The following WWC2 variants were observed in gnomAD, a reference collection of about 807,000 sequenced individuals.
WWC2 encodes WW and C2 domain containing 2.
In WWC2, 101 loss-of-function variants were observed where a neutral mutation model predicts 138.5. The observed-to-expected ratio is 0.73, with a 90% confidence interval of 0.62 to 0.86. WWC2 has a LOEUF of 0.86. Ranked by LOEUF, WWC2 falls within the 40% of genes least tolerant of loss-of-function variation. The pLI is 0.00. For synonymous variants in WWC2, 558 were observed against 538.4 expected (o/e 1.04, Z -0.50); for missense variants, 1,420 against 1,419.4 (o/e 1.00, Z -0.01).
At chr4:183,260,341 A>G (rs1737284142) in intron 10 of WWC2, among the ~76,000 whole-genome samples, 1 of 152,218 alleles carries the variant, frequency 6.6e-6, no homozygotes, top group South Asian at 2.1e-4. Flanking sequence ...AATGTTTAAT[A>G]AGAATAGATT....
At position 183,320,770 on chromosome 4, in the gene WWC2, A is replaced by T. The variant is rs1435461309; in HGVS notation, c.*5041A>T. 6.0e-6 allele frequency: 1 copy of T among 165,650 alleles called. No homozygotes were observed. The highest frequency in any genetic ancestry group is 1.4e-5 in the Non-Finnish European group (1 of 71,758). 10.3% of individuals were successfully genotyped at this position (165,650 alleles called of 1,614,324 possible). ...TTTCTTAACCAAATAAATCAATCTT[A>T]TCAGAAATCTCTCTACACCTTAACT... On this transcript the variant is annotated 3_prime_UTR_variant, in exon 23 of 23. Coordinates refer to ENST00000403733, the MANE Select transcript of WWC2 (RefSeq NM_024949.6).
intron 1 of WWC2, among the ~76,000 whole-genome samples, chr4:183,185,186 A>G (rs1734754108): frequency 6.6e-6 from 1 of 152,184 alleles, no homozygotes; most frequent in Non-Finnish European, 1.5e-5. Flanking sequence ...GTGCTTTCAT[A>G]AGCCTTTCAG....
chr4:183,118,917 CTT>C (rs1219874577), intron 1 of WWC2, among the ~76,000 whole-genome samples: 2 of 145,902 alleles, frequency 1.4e-5, no homozygotes, highest in Non-Finnish European at 3.0e-5. Context: ...AATATCTCAA[CTT>C]TTTTTTTTTT....
At chr4:183,215,656 T>A (rs907481961) in intron 4 of WWC2, among the ~76,000 whole-genome samples, 2 of 152,172 alleles carry the variant, frequency 1.3e-5, no homozygotes, top group African/African-American at 4.8e-5. Flanking sequence ...TCTCTCACTC[T>A]CTATGAGTTT....
chr4:183,261,266 C>T lies in WWC2; in HGVS notation c.1643C>T (p.Ser548Leu). 1 of 1,613,286 alleles carries T rather than the reference C, an allele frequency of 6.2e-7. No individual in the cohort carries two copies. The highest frequency in any genetic ancestry group is 8.5e-7 in the Non-Finnish European group (1 of 1,179,640). The stretch of plus-strand genomic sequence containing the variant: ...CCGAAGTCTGTGGCCTCCCTGTCCT[C>T]GAGGTCCTCCCTTTCCTCCTTGTCT... ...EAPKSVASLS[S>L]RSSLSSLSPP... Residue 548 changes from serine (S) to leucine (L), a missense_variant, in exon 11 of 23, where the codon TCG becomes TTG. Coordinates refer to ENST00000403733, the MANE Select transcript of WWC2 (RefSeq NM_024949.6).
intron 1 of WWC2, among the ~76,000 whole-genome samples, chr4:183,118,002 G>A (rs181979401): frequency 0.022 from 3,378 of 151,894 alleles, 60 homozygotes; most frequent in Non-Finnish European, 0.038. Flanking sequence ...GTTTCGCCAT[G>A]TTGGCCAGGC....
At position 183,261,046 on chromosome 4, in the gene WWC2, A is replaced by C. The variant is rs757318662; in HGVS notation, c.1423A>C (p.Ser475Arg). 1.2e-6 allele frequency: 2 copies of C among 1,613,900 alleles called. No homozygotes were observed. Among genetic ancestry groups the C allele is most frequent in the African/African-American group, 1.3e-5 (1 of 74,908 alleles). ...SSTELYYSSQ[S>R]DQIDVDYQYK... ...CACCGAACTCTATTACAGCAGTCAA[A>C]GTGATCAGATAGATGTGGATTATCA... Residue 475 changes from serine to arginine, a missense_variant, in exon 11 of 23, where the codon AGT becomes CGT. Physicochemically the swap from Ser to Arg is moderately radical, Grantham distance 110. Coordinates refer to ENST00000403733, the MANE Select transcript of WWC2 (RefSeq NM_024949.6).
intron 4 of WWC2, among the ~76,000 whole-genome samples, chr4:183,212,903 A>C (rs1735646895): frequency 1.3e-5 from 2 of 152,118 alleles, no homozygotes; most frequent in African/African-American, 4.8e-5. Context: ...ATTATATTAT[A>C]ACGTATAATA....
chr4:183,259,217 G>A (rs1737246330), intron 9 of WWC2, among the ~76,000 whole-genome samples: 1 of 152,092 alleles, frequency 6.6e-6, no homozygotes, highest in Non-Finnish European at 1.5e-5. Context: ...TACTAAATTC[G>A]GTATTTAGGG....
At chr4:183,211,408 A>C (rs1307580014) in intron 4 of WWC2, among the ~76,000 whole-genome samples, 2 of 152,180 alleles carry the variant, frequency 1.3e-5, no homozygotes, top group African/African-American at 4.8e-5. Flanking sequence ...ATTAATGTGT[A>C]ATTTTTGAAC....
chr4:183,172,556 G>GT (rs61599876), intron 1 of WWC2, among the ~76,000 whole-genome samples: 14,854 of 112,982 alleles, frequency 0.13, 1,040 homozygotes, highest in Admixed American at 0.25. Context: ...TATGTTTCTT[G>GT]TTTTTTTTTT....
At position 183,284,257 on chromosome 4, in the gene WWC2, C is replaced by T. The variant is rs1738171462; in HGVS notation, c.2915C>T (p.Ala972Val). 3.1e-6 allele frequency: 5 copies of T among 1,614,012 alleles called. No homozygotes were observed. The highest frequency in any genetic ancestry group is 4.2e-6 in the Non-Finnish European group (5 of 1,179,888). ...VDKETNTDEA[A>V]NDNMAVRPKE... ...AAAGAGACAAACACTGATGAAGCCG[C>T]TAATGACAATATGGCAGTTCGCCCC... The change falls in exon 19 of 23, where the codon GCT (alanine) becomes GTT (valine). Residue 972 changes from alanine to valine, a missense_variant. Transcript: ENST00000403733.
chr4:183,291,698 A>G (rs1738455790), intron 21 of WWC2, among the ~76,000 whole-genome samples: 1 of 152,216 alleles, frequency 6.6e-6, no homozygotes, highest in South Asian at 2.1e-4. Context: ...CTAAAACTAT[A>G]GGACTTAAAT....
intron 1 of WWC2, among the ~76,000 whole-genome samples, chr4:183,111,910 C>A (rs1034815742): frequency 2.6e-5 from 4 of 152,084 alleles, no homozygotes; most frequent in Non-Finnish European, 5.9e-5. Flanking sequence ...GTTGCCCAGG[C>A]TGGTCTCCAA....
intron 21 of WWC2, among the ~76,000 whole-genome samples, chr4:183,298,653 T>A (rs566304330): frequency 6.6e-6 from 1 of 152,196 alleles, no homozygotes; most frequent in Non-Finnish European, 1.5e-5. Flanking sequence ...TACCTGTGGC[T>A]TATGTTTTTC....
chr4:183,320,246 C>G lies in WWC2; in HGVS notation c.*4517C>G. ...TAATGTCCTGAGAGCTTTAGCCAAA[C>G]TAACTCCTGCCCTTCGGTTGCTGTG... On this transcript the variant is annotated 3_prime_UTR_variant, in exon 23 of 23. Coordinates refer to ENST00000403733, the MANE Select transcript of WWC2 (RefSeq NM_024949.6). 6.3e-7 allele frequency: 1 copy of G among 1,582,638 alleles called. No individual in the cohort carries two copies. Among genetic ancestry groups the G allele is most frequent in the East Asian group, 2.2e-5 (1 of 44,610 alleles).
Position 183,317,540 on chromosome 4 carries a change from T to C in WWC2, c.*1811T>C, listed in dbSNP as rs1442121370. ...GTCAAATGTGAAAGACAGAAGTTTA[T>C]TTAATGTAGAGGTAAATGAAGGTGA... On this transcript the variant is annotated 3_prime_UTR_variant, in exon 23 of 23. Transcript: ENST00000403733. The C allele has an allele frequency of 6.6e-6, 1 of 152,636 alleles. No homozygotes were observed. The highest frequency in any genetic ancestry group is 1.5e-5 in the Non-Finnish European group (1 of 68,026). 9.5% of individuals were successfully genotyped at this position (152,636 alleles called of 1,614,324 possible).
chr4:183,272,489 GTT>G (rs746802850), intron 16 of WWC2, among the ~76,000 whole-genome samples: 1 of 152,172 alleles, frequency 6.6e-6, no homozygotes, highest in Non-Finnish European at 1.5e-5. Flanking sequence ...CAACCCAGTG[GTT>G]TTTAGGATAT....
chr4:183,265,970 G>C lies in WWC2; in HGVS notation c.2207+19G>C. 1 of 1,593,088 alleles carries C rather than the reference G, an allele frequency of 6.3e-7. No homozygotes were observed. ...CAAAAGTGTAAGTAAAATCAGCGAA[G>C]ATCAAATTGAGGAACTTAAACATTT... On this transcript the variant is annotated intron_variant, in intron 14 of 22. Transcript: ENST00000403733.
Sources: allele counts gnomAD v4.1 joint callset (sites outside exome capture counted in the v4.1 genomes callset), GRCh38; gene constraint gnomAD v4.1.1; transcripts MANE v1.5; gene names NCBI Gene and HGNC (gene_info 2026-07-23, HGNC 2026-07-21).